Variants in ZNF727 observed in about 807,000 individuals in gnomAD.
The protein encoded by ZNF727 is zinc finger protein 727, also known as putative zinc finger protein 727.
ZNF727 carries 11 observed loss-of-function variants against 11.5 expected under a neutral mutation model. The observed-to-expected ratio is 0.95, with a 90% confidence interval of 0.60 to 1.58. The LOEUF is 1.58. Among genes scored for constraint, ZNF727 ranks in the 40% most tolerant of loss-of-function variants. ZNF727 has a pLI of 0.00. For synonymous variants in ZNF727, 171 were observed against 196.1 expected, an observed-to-expected ratio of 0.87 and a Z score of 1.07; for missense variants, 533 against 581.7, an observed-to-expected ratio of 0.92 and a Z score of 0.86.
At chr7:64,059,699 G>A (rs1377430795) in intron 1 of ZNF727, among the ~76,000 whole-genome samples, 2 of 152,174 alleles carry the variant, frequency 1.3e-5, no homozygotes, top group African/African-American at 2.4e-5. Flanking sequence ...GAAATCAGAT[G>A]TCCATGAGTT....
At chr7:64,057,604 A>C (rs2116285132) in intron 1 of ZNF727, among the ~76,000 whole-genome samples, 1 of 152,270 alleles carries the variant, frequency 6.6e-6, no homozygotes, top group South Asian at 2.1e-4. Context: ...GCTGGGCTTA[A>C]TACCTGGGTG....
chr7:64,076,239 T>C (rs1390399869), intron 3 of ZNF727, among the ~76,000 whole-genome samples: 2 of 152,196 alleles, frequency 1.3e-5, no homozygotes, highest in African/African-American at 4.8e-5. Context: ...GTGTAAAATA[T>C]TACTCCTATT....
At chr7:64,061,759 C>G (rs1259385343) in intron 1 of ZNF727, among the ~76,000 whole-genome samples, 2 of 151,784 alleles carry the variant, frequency 1.3e-5, no homozygotes, top group Non-Finnish European at 2.9e-5. Context: ...CTCTCTTTTT[C>G]TCTCCTTTTC....
At chr7:64,076,917 A>G (rs1316187624) in intron 3 of ZNF727, among the ~76,000 whole-genome samples, 1 of 152,164 alleles carries the variant, frequency 6.6e-6, no homozygotes, top group Non-Finnish European at 1.5e-5. Flanking sequence ...GAACACATGT[A>G]CCACTGTTTT....
In ZNF727 at chr7:64,081,808, G is replaced by C. The variant is rs1785797414; in HGVS notation, c.*3259G>C. Reference sequence around the variant, plus strand: ...CTTATGGGAGAAAGTTGAGCCTATGGAAATGGCCGTCAATGGCCACACTCT... The same window carrying C: ...CTTATGGGAGAAAGTTGAGCCTATGCAAATGGCCGTCAATGGCCACACTCT... On this transcript the variant is annotated 3_prime_UTR_variant, in exon 4 of 4. Transcript: ENST00000456806. Among the ~76,000 whole-genome samples the C allele has an allele frequency of 6.6e-6, 1 of 152,130 alleles. No individual in the cohort carries two copies. Among genetic ancestry groups the C allele is most frequent in the Non-Finnish European group, 1.5e-5 (1 of 68,034 alleles).
chr7:64,062,811 T>G (rs1222805349), intron 1 of ZNF727, among the ~76,000 whole-genome samples: 1 of 150,094 alleles, frequency 6.7e-6, no homozygotes, highest in African/African-American at 2.4e-5. Context: ...ATTTTTTTTT[T>G]GTCTCATCTG....
At position 64,045,680 on chromosome 7, in the gene ZNF727, C is replaced by T. The variant is rs375254708; in HGVS notation, c.3+56C>T. On this transcript the variant is annotated intron_variant, in intron 1 of 3. Coordinates refer to ENST00000456806, the MANE Select transcript of ZNF727 (RefSeq NM_001159522.3). ...GGGGAAGAGGCTGTTTGAATCCGGTCGGAACTGGCTGCGGTGGGATCTTGG... is the reference window on the plus strand; with the variant it reads ...GGGGAAGAGGCTGTTTGAATCCGGTTGGAACTGGCTGCGGTGGGATCTTGG... The T allele has an allele frequency of 3.1e-4, 484 of 1,552,224 alleles. 3 individuals carry two copies. The East Asian group carries it at 0.01, about 33-fold the overall frequency.
chr7:64,068,830 A>G, intron 1 of ZNF727, 61 bp from the exon 2 acceptor site: 1 of 1,540,906 alleles, frequency 6.5e-7, no homozygotes, highest in African/African-American at 1.4e-5. Context: ...CTCTCATTTT[A>G]CCTGATGTCA....
chr7:64,050,916 A>C (rs2116269519), intron 1 of ZNF727, among the ~76,000 whole-genome samples: 1 of 152,194 alleles, frequency 6.6e-6, no homozygotes, highest in African/African-American at 2.4e-5. Context: ...TAAATAGAAA[A>C]CATTTCTTTA....
rs1317934226 is a variant in ZNF727, at chr7:64,080,578, C to T, written c.*2029C>T. ...TTTTTTTCTTCTTTGCATTGGGTTG[C>T]AACTTACCTTTGTAGATCAATGAAG... On this transcript the variant is annotated 3_prime_UTR_variant, in exon 4 of 4. Coordinates refer to ENST00000456806, the MANE Select transcript of ZNF727 (RefSeq NM_001159522.3). Among the ~76,000 whole-genome samples, 1 of 152,080 alleles carries T rather than the reference C, an allele frequency of 6.6e-6. No individual in the cohort carries two copies.
chr7:64,071,694 G>T (rs947873043), intron 3 of ZNF727, among the ~76,000 whole-genome samples: 4 of 152,004 alleles, frequency 2.6e-5, no homozygotes, highest in Non-Finnish European at 5.9e-5. Context: ...TTTAAACTAT[G>T]TTTTCTTTTA....
intron 1 of ZNF727, among the ~76,000 whole-genome samples, chr7:64,065,937 C>G (rs1262488600): frequency 6.6e-6 from 1 of 152,090 alleles, no homozygotes; most frequent in Non-Finnish European, 1.5e-5. Flanking sequence ...TGTGGATGCC[C>G]AAGATTCCTG....
chr7:64,073,846 C>G (rs1280322822), intron 3 of ZNF727, among the ~76,000 whole-genome samples: 1 of 152,122 alleles, frequency 6.6e-6, no homozygotes, highest in East Asian at 1.9e-4. Context: ...TGCAATTCCT[C>G]TAGTATTGTA....
intron 1 of ZNF727, among the ~76,000 whole-genome samples, chr7:64,060,803 A>T (rs79440199): frequency 6.6e-6 from 1 of 151,050 alleles, no homozygotes; most frequent in Non-Finnish European, 1.5e-5. Context: ...GTTTTTTTTT[A>T]AACTTTTTTT....
chr7:64,084,211 G>C lies in ZNF727; in HGVS notation c.*5662G>C, dbSNP rs1243490591. Reference sequence around the variant, plus strand: ...ACAGGGTGATAGAAGTGTGGTAAGTGATTAGGATAATATTCTGCATAGTAA... The same window carrying C: ...ACAGGGTGATAGAAGTGTGGTAAGTCATTAGGATAATATTCTGCATAGTAA... On this transcript the variant is annotated 3_prime_UTR_variant, in exon 4 of 4. Transcript: ENST00000456806. Among the ~76,000 whole-genome samples, 1 of 152,156 alleles carries C rather than the reference G, an allele frequency of 6.6e-6. No homozygotes were observed. Among genetic ancestry groups the C allele is most frequent in the Non-Finnish European group, 1.5e-5 (1 of 68,024 alleles).
intron 3 of ZNF727, among the ~76,000 whole-genome samples, chr7:64,074,534 G>C (rs1340693737): frequency 1.3e-5 from 2 of 152,170 alleles, no homozygotes; most frequent in African/African-American, 4.8e-5. Flanking sequence ...TGTGAGAGGA[G>C]TAGGGGAGAC....
rs1237468559 is a variant in ZNF727 at position 64,082,340 on chromosome 7, G to A, written c.*3791G>A. On this transcript the variant is annotated 3_prime_UTR_variant, in exon 4 of 4. Coordinates refer to ENST00000456806, the MANE Select transcript of ZNF727 (RefSeq NM_001159522.3). ...AGTCTGGCCACTTTTCTGAAGGGCTGCTGCAGTATGCTGGGTGTCCACTGC... is the reference window on the plus strand; with the variant it reads ...AGTCTGGCCACTTTTCTGAAGGGCTACTGCAGTATGCTGGGTGTCCACTGC... Among the ~76,000 whole-genome samples the A allele has an allele frequency of 6.6e-6, 1 of 152,190 alleles. No individual in the cohort carries two copies. The highest frequency in any genetic ancestry group is 2.4e-5 in the African/African-American group (1 of 41,446).
chr7:64,071,764 G>C (rs1252980434), intron 3 of ZNF727, among the ~76,000 whole-genome samples: 2 of 151,982 alleles, frequency 1.3e-5, no homozygotes, highest in Non-Finnish European at 2.9e-5. Context: ...TTTAAATACA[G>C]TGTAAGAAAA....
At position 64,078,582 on chromosome 7, in the gene ZNF727, G is replaced by T. The variant is rs1271557010; in HGVS notation, c.*33G>T. ...TGGAGATAAACCTTACAAATGTAAT[G>T]AATGTGGAAAAGCTTTTACGTGGAT... is the stretch of plus-strand genomic sequence containing the variant. On this transcript the variant is annotated 3_prime_UTR_variant, in exon 4 of 4. Transcript: ENST00000456806. 6.4e-7 allele frequency: 1 copy of T among 1,554,484 alleles called. No homozygotes were observed. Among genetic ancestry groups the T allele is most frequent in the Non-Finnish European group, 8.7e-7 (1 of 1,146,898 alleles).
Sources: allele counts gnomAD v4.1 joint callset (sites outside exome capture counted in the v4.1 genomes callset), GRCh38; gene constraint gnomAD v4.1.1; transcripts MANE v1.5; gene names NCBI Gene and HGNC (gene_info 2026-07-23, HGNC 2026-07-21).